Variants in ELAVL2 observed in about 807,000 individuals in gnomAD.
ELAVL2 encodes ELAV like RNA binding protein 2, also known as ELAV-like protein 2.
A neutral mutation model predicts 34.6 loss-of-function variants in ELAVL2; 4 were observed. The ratio of observed to expected loss-of-function variants is 0.12; its 90% confidence interval spans 0.06 to 0.26. The LOEUF (loss-of-function observed/expected upper bound fraction) is 0.26, where lower values mean the gene tolerates loss of function less well. ELAVL2 is among the 10% of genes least tolerant of loss of function. The pLI is 1.00. For missense variants in ELAVL2, 432 were observed against 442.8 expected (o/e 0.98, Z 0.22); for synonymous variants, 193 against 154.8 (o/e 1.25, Z -1.83).
At chr9:23,748,756 T>A (rs1054785589) in intron 2 of ELAVL2, among the ~76,000 whole-genome samples, 5 of 151,934 alleles carry the variant, frequency 3.3e-5, no homozygotes, top group South Asian at 2.1e-4. Context: ...GGGGGAGGGG[T>A]TGGTCCCTAA....
chr9:23,782,431 G>T (rs10966080), intron 1 of ELAVL2, among the ~76,000 whole-genome samples: 1 of 151,856 alleles, frequency 6.6e-6, no homozygotes, highest in Non-Finnish European at 1.5e-5. Flanking sequence ...AATTACAGGC[G>T]TGTGGTAGTG....
intron 2 of ELAVL2, among the ~76,000 whole-genome samples, chr9:23,743,301 T>C (rs753024534): frequency 6.6e-6 from 1 of 152,202 alleles, no homozygotes; most frequent in Non-Finnish European, 1.5e-5. Flanking sequence ...GCTCCTACGA[T>C]TGCCACATTC....
intron 4 of ELAVL2, among the ~76,000 whole-genome samples, chr9:23,703,872 A>G (rs750717811): frequency 7.9e-5 from 12 of 152,118 alleles, no homozygotes; most frequent in Non-Finnish European, 1.3e-4. Context: ...CCTCCTCACA[A>G]TGTTTCTCTA....
chr9:23,741,886 TCCA>T (rs1433123481), intron 2 of ELAVL2, among the ~76,000 whole-genome samples: 1 of 152,160 alleles, frequency 6.6e-6, no homozygotes, highest in African/African-American at 2.4e-5. Context: ...TGCTTTTCCT[TCCA>T]CCAATCCTTG....
At chr9:23,766,715 G>A (rs1186361237) in intron 1 of ELAVL2, among the ~76,000 whole-genome samples, 3 of 151,890 alleles carry the variant, frequency 2.0e-5, no homozygotes, top group African/African-American at 7.3e-5. Flanking sequence ...TACCTTTATG[G>A]GAAGTTATAA....
intron 5 of ELAVL2, among the ~76,000 whole-genome samples, chr9:23,696,853 G>T (rs1256249788): frequency 6.6e-6 from 1 of 151,878 alleles, no homozygotes; most frequent in Non-Finnish European, 1.5e-5. Context: ...TCTCAGGGAG[G>T]GGTGTGGATG....
chr9:23,768,493 A>G (rs1588283954), intron 1 of ELAVL2, among the ~76,000 whole-genome samples: 1 of 152,036 alleles, frequency 6.6e-6, no homozygotes, highest in South Asian at 2.1e-4. Flanking sequence ...TATAAATTGG[A>G]AACACAAATA....
intron 1 of ELAVL2, among the ~76,000 whole-genome samples, chr9:23,813,620 C>T (rs2063315688): frequency 6.6e-6 from 1 of 151,964 alleles, no homozygotes; most frequent in Admixed American, 6.6e-5. Context: ...ATCCCTACTC[C>T]CAATGGGGAC....
intron 1 of ELAVL2, among the ~76,000 whole-genome samples, chr9:23,763,919 ATACTTAAAG>A (rs2055633125): frequency 3.3e-5 from 5 of 152,172 alleles, no homozygotes; most frequent in African/African-American, 1.2e-4. Flanking sequence ...TTCTCAGGGA[ATACTTAAAG>A]GGATGAAGGA....
chr9:23,727,652 C>A (rs1188549663), intron 3 of ELAVL2, among the ~76,000 whole-genome samples: 1 of 152,038 alleles, frequency 6.6e-6, no homozygotes, highest in African/African-American at 2.4e-5. Flanking sequence ...TCGAGTAGAT[C>A]TACAGTGGAT....
At position 23,731,066 on chromosome 9, in the gene ELAVL2, T is replaced by C. The variant is rs144215783; in HGVS notation, c.289A>G (p.Ile97Val). 57 of 1,613,338 alleles carry C rather than the reference T, an allele frequency of 3.5e-5. No homozygotes were observed. Among genetic ancestry groups the C allele is most frequent in the Non-Finnish European group, 4.6e-5 (54 of 1,179,488 alleles). ...AGTCTCAATCCATTCAGGGTGTTGA[T>C]AGCTTTCTCTGCATCCTTGGGGTCA... ...YIDPKDAEKA[I>V]NTLNGLRLQT... The change falls in exon 3 of 7, where the codon ATC becomes GTC. Residue 97 changes from isoleucine (I) to valine (V), a missense_variant. By Grantham distance (29) the Ile-to-Val change is conservative (BLOSUM62 3). Around this residue, in one of 3 missense-constraint regions of ELAVL2, gnomAD observed 132 missense variants for 118.3 expected, o/e 1.12. Coordinates refer to ENST00000397312, the MANE Select transcript of ELAVL2 (RefSeq NM_004432.5).
chr9:23,709,405 A>G (rs1368331851), intron 3 of ELAVL2, among the ~76,000 whole-genome samples: 2 of 152,082 alleles, frequency 1.3e-5, no homozygotes, highest in Non-Finnish European at 1.5e-5. Flanking sequence ...TCAGTTACCA[A>G]ACTAAATTTT....
the ELAVL2 span, among the ~76,000 whole-genome samples, chr9:23,836,420 G>A: frequency 7.2e-5 from 11 of 152,142 alleles, no homozygotes; most frequent in African/African-American, 2.4e-4. Context: ...TTTCTTTTAT[G>A]TCAGTGCTTA....
intron 2 of ELAVL2, among the ~76,000 whole-genome samples, chr9:23,759,754 T>TTATATATATATATATATATATATATATA (rs774471922): frequency 6.1e-5 from 5 of 81,344 alleles, no homozygotes; most frequent in Admixed American, 1.3e-4. Context: ...ATATATAGTA[T>TTATATATATATATATATATATATATATA]TATATATATA....
At chr9:23,811,932 G>A (rs1183503254) in intron 1 of ELAVL2, among the ~76,000 whole-genome samples, 1 of 152,118 alleles carries the variant, frequency 6.6e-6, no homozygotes, top group Non-Finnish European at 1.5e-5. Context: ...GGAGGAACGG[G>A]GGAGGGAAAT....
chr9:23,714,931 G>C (rs1357350923), intron 3 of ELAVL2, among the ~76,000 whole-genome samples: 2 of 152,144 alleles, frequency 1.3e-5, no homozygotes, highest in Non-Finnish European at 2.9e-5. Context: ...GTACTCACTA[G>C]TCAGTACTCA....
chr9:23,749,198 C>T (rs747910061), intron 2 of ELAVL2, among the ~76,000 whole-genome samples: 11 of 151,992 alleles, frequency 7.2e-5, no homozygotes, highest in South Asian at 2.1e-4. Context: ...TCTGATGACA[C>T]GTGTGCACCA....
At chr9:23,816,730 T>C (rs1195527449) in intron 1 of ELAVL2, among the ~76,000 whole-genome samples, 2 of 152,102 alleles carry the variant, frequency 1.3e-5, no homozygotes, top group Non-Finnish European at 2.9e-5. Context: ...AGGGCAATGG[T>C]AGCAAGCCAC....
intron 3 of ELAVL2, among the ~76,000 whole-genome samples, chr9:23,712,032 C>A (rs2041097799): frequency 6.6e-6 from 1 of 152,024 alleles, no homozygotes; most frequent in African/African-American, 2.4e-5. Flanking sequence ...ATTCAAGTCC[C>A]CAGAGGCGAC....
Sources: gnomAD v4.1 joint callset for allele counts (sites outside exome capture counted in the v4.1 genomes callset) on GRCh38, gnomAD v4.1.1 for gene constraint, gnomAD v4.1.1 regional missense constraint, MANE v1.5 for transcripts, NCBI Gene and HGNC (gene_info 2026-07-23, HGNC 2026-07-21) for gene names.